Variants in KATNAL1 observed in about 807,000 individuals in gnomAD.
The protein encoded by KATNAL1 is katanin p60 ATPase-containing subunit A-like 1.
KATNAL1 carries 32 observed loss-of-function variants against 55.2 expected under a neutral mutation model. The ratio of observed to expected loss-of-function variants is 0.58; its 90% CI spans 0.44 to 0.78. The LOEUF is 0.78. KATNAL1 is among the 30% of genes least tolerant of loss of function. The pLI is 0.00. For missense variants in KATNAL1, 466 were observed against 600.9 expected (o/e 0.78, Z 2.35); for synonymous variants, 193 against 193.6 (o/e 1.00, Z 0.02).
intron 3 of KATNAL1, among the ~76,000 whole-genome samples, chr13:30,269,169 T>C (rs1451382503): frequency 6.6e-6 from 1 of 152,102 alleles, no homozygotes. Context: ...CTCGGCCCAC[T>C]GCAACCTCCC....
intron 9 of KATNAL1, among the ~76,000 whole-genome samples, chr13:30,220,489 G>A (rs1874739878): frequency 6.6e-6 from 1 of 151,888 alleles, no homozygotes. Flanking sequence ...AAACATGGAT[G>A]AAGAGAAAAA....
chr13:30,244,089 C>A (rs1215940853), intron 4 of KATNAL1, among the ~76,000 whole-genome samples: 1 of 151,336 alleles, frequency 6.6e-6, no homozygotes, highest in Non-Finnish European at 1.5e-5. Flanking sequence ...TAGTCCCCCA[C>A]CCCCCAACAG....
At chr13:30,211,483 A>G (rs554122582) in intron 9 of KATNAL1, among the ~76,000 whole-genome samples, 28 of 152,344 alleles carry the variant, frequency 1.8e-4, no homozygotes, top group African/African-American at 5.8e-4. Flanking sequence ...TTCAAAGCAA[A>G]GTTTCCCTAT....
At chr13:30,229,078 A>G (rs2137391549) in intron 8 of KATNAL1, among the ~76,000 whole-genome samples, 1 of 152,194 alleles carries the variant, frequency 6.6e-6, no homozygotes, top group South Asian at 2.1e-4. Context: ...TTTTTAATGT[A>G]TTTTATCTGT....
rs1205816107 is a variant in KATNAL1, at chr13:30,255,528, G to A, written c.411C>T (p.Gly137=). The change falls in exon 4 of 11, where the codon GGC becomes GGT. Residue 137 remains glycine, a synonymous_variant. Transcript: ENST00000380615. The part of the protein sequence containing the change: ...MAGVGARGPV[G]RAHPISKSEK... ...CACTCTTTGATATAGGATGTGCTCG[G>A]CCTACAGGTCCCCGGGCTCCTACTC... The A allele has an allele frequency of 1.3e-6, 2 of 1,597,438 alleles. No individual in the cohort carries two copies. The highest frequency in any genetic ancestry group is 1.4e-5 in the African/African-American group (1 of 73,326).
At chr13:30,222,058 AAAAAAG>A (rs1874923495) in intron 9 of KATNAL1, among the ~76,000 whole-genome samples, 1 of 152,134 alleles carries the variant, frequency 6.6e-6, no homozygotes, top group Admixed American at 6.5e-5. Context: ...TCTCAGAAAG[AAAAAAG>A]AAAAAGAAAA....
intron 9 of KATNAL1, among the ~76,000 whole-genome samples, chr13:30,226,156 A>T (rs169332): frequency 6.6e-6 from 1 of 151,944 alleles, no homozygotes; most frequent in Non-Finnish European, 1.5e-5. Context: ...GAAGTATTTG[A>T]ATTCTCATTT....
At chr13:30,221,844 C>A (rs993000966) in intron 9 of KATNAL1, among the ~76,000 whole-genome samples, 5 of 152,098 alleles carry the variant, frequency 3.3e-5, no homozygotes, top group Non-Finnish European at 1.5e-5. Context: ...TTGAGGTCAG[C>A]AGTTCAAGAC....
At chr13:30,248,976 G>A (rs145345543) in intron 4 of KATNAL1, among the ~76,000 whole-genome samples, 2,606 of 152,000 alleles carry the variant, frequency 0.017, 71 homozygotes, top group African/African-American at 0.06. Flanking sequence ...GGAGAATGGC[G>A]TGAACGCAGG....
At chr13:30,269,100 CCT>C (rs932520859) in intron 3 of KATNAL1, among the ~76,000 whole-genome samples, 1 of 152,088 alleles carries the variant, frequency 6.6e-6, no homozygotes, top group African/African-American at 2.4e-5. Context: ...TCTCTCTCTC[CCT>C]CTCTTTCCAT....
intron 1 of KATNAL1, among the ~76,000 whole-genome samples, chr13:30,304,373 T>G (rs1175139943): frequency 6.6e-6 from 1 of 151,676 alleles, no homozygotes; most frequent in African/African-American, 2.4e-5. Flanking sequence ...GGGTTCAAGC[T>G]ATTCTCCTGC....
intron 9 of KATNAL1, among the ~76,000 whole-genome samples, chr13:30,217,314 C>T (rs1424486349): frequency 1.3e-5 from 2 of 151,968 alleles, no homozygotes; most frequent in Non-Finnish European, 2.9e-5. Flanking sequence ...ATTAGCCAGG[C>T]GTGGTGGCGG....
intron 3 of KATNAL1, 92 bp downstream of exon 3, chr13:30,279,971 A>C: frequency 8.6e-7 from 1 of 1,165,164 alleles, no homozygotes; most frequent in Non-Finnish European, 1.2e-6. Context: ...ACATGTCCCC[A>C]AAAATAATTT....
At chr13:30,262,040 A>G (rs1292860880) in intron 3 of KATNAL1, among the ~76,000 whole-genome samples, 1 of 152,178 alleles carries the variant, frequency 6.6e-6, no homozygotes, top group East Asian at 1.9e-4. Flanking sequence ...AGTGCAATCA[A>G]ACTAGAACTC....
intron 1 of KATNAL1, among the ~76,000 whole-genome samples, chr13:30,288,383 T>C (rs1221169382): frequency 6.6e-6 from 1 of 152,222 alleles, no homozygotes; most frequent in East Asian, 1.9e-4. Context: ...GGCACTTACA[T>C]CGAGTTCTAA....
At chr13:30,271,466 GA>G (rs1042859499) in intron 3 of KATNAL1, among the ~76,000 whole-genome samples, 4 of 152,144 alleles carry the variant, frequency 2.6e-5, no homozygotes, top group African/African-American at 9.7e-5. Context: ...AGGTGAAGGG[GA>G]AGAAGACACA....
At chr13:30,252,066 A>G (rs1255213616) in intron 4 of KATNAL1, among the ~76,000 whole-genome samples, 1 of 152,238 alleles carries the variant, frequency 6.6e-6, no homozygotes, top group East Asian at 1.9e-4. Context: ...TTTTCAAATA[A>G]GAGTCTGTAT....
chr13:30,236,432 T>C (rs1042420243), intron 6 of KATNAL1, among the ~76,000 whole-genome samples: 1 of 152,170 alleles, frequency 6.6e-6, no homozygotes, highest in African/African-American at 2.4e-5. Context: ...ACAACTTGTC[T>C]CTCTCCCGCA....
At chr13:30,228,716 G>A (rs151224702) in intron 8 of KATNAL1, among the ~76,000 whole-genome samples, 1 of 152,264 alleles carries the variant, frequency 6.6e-6, no homozygotes, top group African/African-American at 2.4e-5. Flanking sequence ...AACCGTGACT[G>A]TTTTGAAACA....
Sources: allele counts gnomAD v4.1 joint callset (sites outside exome capture counted in the v4.1 genomes callset), GRCh38; gene constraint gnomAD v4.1.1; transcripts MANE v1.5; gene names NCBI Gene and HGNC (gene_info 2026-07-23, HGNC 2026-07-21).